The following PCDH15 variants were observed in gnomAD, a reference collection of about 807,000 sequenced individuals.
The protein encoded by PCDH15 is protocadherin-15.
A neutral mutation model predicts 178.5 loss-of-function variants in PCDH15; 129 were observed. The ratio of observed to expected loss-of-function variants is 0.72; its 90% CI spans 0.63 to 0.84. PCDH15 has a LOEUF of 0.84. Ranked by LOEUF, PCDH15 falls within the 40% of genes least tolerant of loss-of-function variation. The probability of loss-of-function intolerance (pLI) is 0.00; values close to 1 mark genes in which losing one functional copy is unlikely to be tolerated. For missense variants in PCDH15, 2,230 were observed against 2,099.9 expected, an observed-to-expected ratio of 1.06 and a Z score of -1.21; for synonymous variants, 800 against 732.0, an observed-to-expected ratio of 1.09 and a Z score of -1.50.
intron 3 of PCDH15, among the ~76,000 whole-genome samples, chr10:54,507,158 G>T (rs1386660614): frequency 5.3e-5 from 8 of 151,702 alleles, no homozygotes; most frequent in Non-Finnish European, 5.9e-5. Context: ...AGAAGCATTT[G>T]TCTTGCACTT....
intron 2 of PCDH15, among the ~76,000 whole-genome samples, chr10:55,326,414 G>T (rs1372726546): frequency 6.6e-6 from 1 of 152,024 alleles, no homozygotes; most frequent in African/African-American, 2.4e-5. Flanking sequence ...AAAAATCAAT[G>T]AGATCAGTTC....
intron 3 of PCDH15, among the ~76,000 whole-genome samples, chr10:54,417,383 G>A (rs919101582): frequency 6.6e-6 from 1 of 151,860 alleles, no homozygotes; most frequent in Non-Finnish European, 1.5e-5. Context: ...ACGAAATGGG[G>A]AGTGATAGAA....
intron 2 of PCDH15, among the ~76,000 whole-genome samples, chr10:55,352,626 T>C (rs1393831786): frequency 6.6e-6 from 1 of 152,140 alleles, no homozygotes; most frequent in Non-Finnish European, 1.5e-5. Flanking sequence ...CTCGCTAAGT[T>C]GTTGCCTCAT....
chr10:54,053,124 T>TTACACATGTAATACAC (rs1319881579), intron 18 of PCDH15, among the ~76,000 whole-genome samples: 2 of 152,058 alleles, frequency 1.3e-5, no homozygotes, highest in African/African-American at 4.8e-5. Context: ...CATGTAAGTA[T>TTACACATGTAATACAC]ACTCTTACAC....
In PCDH15 at chr10:53,840,408, A is replaced by G. The variant is rs867086531; in HGVS notation, c.3895T>C (p.Ser1299Pro). 2 of 1,613,748 alleles carry G rather than the reference A, an allele frequency of 1.2e-6. No individual in the cohort carries two copies. Among genetic ancestry groups the G allele is most frequent in the East Asian group, 4.5e-5 (2 of 44,888 alleles). ...IGARRHGDAF[S>P]LEDYTKCDLT... ...TCACATTTGGTGTAATCTTCTAGGG[A>G]AAAGGCATCTCCATGCCGGCGAGCT... Residue 1299 changes from serine (S) to proline (P), a missense_variant, in exon 29 of 38, where the codon TCC (serine) becomes CCC (proline). Coordinates refer to ENST00000644397, the MANE Select transcript of PCDH15 (RefSeq NM_001384140.1).
At chr10:55,173,315 G>GTGTGTT (rs1839390117) in intron 1 of PCDH15, among the ~76,000 whole-genome samples, 1 of 147,600 alleles carries the variant, frequency 6.8e-6, no homozygotes, top group South Asian at 2.1e-4. Context: ...GATTATGTGT[G>GTGTGTT]TGTGTGTGTG....
intron 3 of PCDH15, among the ~76,000 whole-genome samples, chr10:54,834,248 G>A (rs12766784): frequency 2.0e-5 from 3 of 150,820 alleles, no homozygotes; most frequent in East Asian, 2.0e-4. Flanking sequence ...GGAGTGCAGT[G>A]GCACAATCTT....
At chr10:54,293,546 G>A (rs2059559621) in intron 8 of PCDH15, among the ~76,000 whole-genome samples, 1 of 152,138 alleles carries the variant, frequency 6.6e-6, no homozygotes, top group Non-Finnish European at 1.5e-5. Flanking sequence ...CAGAATGGGA[G>A]ACAATTTTTG....
intron 2 of PCDH15, among the ~76,000 whole-genome samples, chr10:55,112,092 T>C (rs751523527): frequency 6.6e-6 from 1 of 152,176 alleles, no homozygotes; most frequent in Non-Finnish European, 1.5e-5. Flanking sequence ...TACTGTGTTA[T>C]TACACATCCT....
At chr10:54,293,551 T>G (rs1042134872) in intron 8 of PCDH15, among the ~76,000 whole-genome samples, 4 of 152,100 alleles carry the variant, frequency 2.6e-5, no homozygotes, top group Non-Finnish European at 1.5e-5. Flanking sequence ...TGGGAGACAA[T>G]TTTTGCAATC....
chr10:54,740,350 G>C (rs945768149), intron 1 of PCDH15, among the ~76,000 whole-genome samples: 5 of 151,612 alleles, frequency 3.3e-5, no homozygotes, highest in African/African-American at 1.2e-4. Context: ...AGTTAAAGTA[G>C]CTATAATTAA....
chr10:55,096,097 A>G (rs1468462331), intron 2 of PCDH15, among the ~76,000 whole-genome samples: 1 of 152,110 alleles, frequency 6.6e-6, no homozygotes, highest in Non-Finnish European at 1.5e-5. Flanking sequence ...AAAAACAAAA[A>G]CAAATACAAT....
intron 21 of PCDH15, among the ~76,000 whole-genome samples, chr10:53,979,377 C>T (rs934313303): frequency 6.6e-6 from 1 of 152,098 alleles, no homozygotes; most frequent in Non-Finnish European, 1.5e-5. Context: ...AAGTAACCTC[C>T]CCATGATTCA....
intron 21 of PCDH15, among the ~76,000 whole-genome samples, chr10:53,993,271 T>C (rs1435693451): frequency 6.6e-6 from 1 of 152,212 alleles, no homozygotes; most frequent in Non-Finnish European, 1.5e-5. Flanking sequence ...GCACATTTTG[T>C]CAATCCTGAA....
chr10:55,380,085 A>G (rs916339696), intron 2 of PCDH15, among the ~76,000 whole-genome samples: 1 of 152,162 alleles, frequency 6.6e-6, no homozygotes, highest in Non-Finnish European at 1.5e-5. Context: ...AATGACTGTG[A>G]TCAGAGCCAG....
At chr10:55,054,710 G>A (rs1841253664) in intron 2 of PCDH15, among the ~76,000 whole-genome samples, 1 of 152,080 alleles carries the variant, frequency 6.6e-6, no homozygotes, top group Non-Finnish European at 1.5e-5. Context: ...TAGCCATTCT[G>A]ACTGGTGTTA....
In PCDH15 at chr10:55,308,196, G is replaced by A. The variant is rs548534452; in HGVS notation, c.-156+11403C>T. ...TCTGATTAAATGTGAAAAGGAGTAA[G>A]CTATTTAATTCTCTCCATGGGCCCT... is the stretch of plus-strand genomic sequence containing the variant. On this transcript the variant is annotated intron_variant, in intron 1 of 5. Coordinates refer to the PCDH15 transcript ENST00000458638. Among the ~76,000 whole-genome samples, 25 of 152,264 alleles carry A rather than the reference G, an allele frequency of 1.6e-4. No individual in the cohort carries two copies. In the South Asian group the frequency reaches 5.2e-3, roughly 32 times the overall value.
At chr10:55,478,553 G>A (rs1840108279) in intron 2 of PCDH15, among the ~76,000 whole-genome samples, 1 of 151,124 alleles carries the variant, frequency 6.6e-6, no homozygotes, top group Non-Finnish European at 1.5e-5. Context: ...GAAGTAGAAA[G>A]ATTTCAACTA....
intron 1 of PCDH15, among the ~76,000 whole-genome samples, chr10:54,755,854 T>C (rs1947007299): frequency 6.6e-6 from 1 of 152,148 alleles, no homozygotes; most frequent in Non-Finnish European, 1.5e-5. Flanking sequence ...AATAAGTGCA[T>C]ACAAAGTTCT....
Sources: gnomAD v4.1 joint callset for allele counts (sites outside exome capture counted in the v4.1 genomes callset) on GRCh38, gnomAD v4.1.1 for gene constraint, MANE v1.5 for transcripts, NCBI Gene and HGNC (gene_info 2026-07-23, HGNC 2026-07-21) for gene names.